The following CCSER1 variants were observed in gnomAD, a reference collection of about 807,000 sequenced individuals.
The protein encoded by CCSER1 is serine-rich coiled-coil domain-containing protein 1.
Under a neutral mutation model 82.0 loss-of-function variants are expected in CCSER1, and 41 were observed. That is an observed-to-expected ratio of 0.50 (90% CI 0.39 to 0.65). The LOEUF (loss-of-function observed/expected upper bound fraction) is 0.65. CCSER1 is among the 30% of genes least tolerant of loss of function. The pLI, the probability that CCSER1 is intolerant of heterozygous loss-of-function variation, is 0.00. For synonymous variants in CCSER1, 414 were observed against 383.9 expected, an observed-to-expected ratio of 1.08 and a Z score of -0.92; for missense variants, 1,119 against 1,064.2, an observed-to-expected ratio of 1.05 and a Z score of -0.72.
At chr4:91,122,531 A>G (rs1561565807) in intron 10 of CCSER1, among the ~76,000 whole-genome samples, 2 of 151,668 alleles carry the variant, frequency 1.3e-5, no homozygotes, top group Non-Finnish European at 3.0e-5. Flanking sequence ...GCAAAATCCT[A>G]TTTTTAAAAT....
intron 8 of CCSER1, among the ~76,000 whole-genome samples, chr4:90,896,756 A>G (rs1723779875): frequency 6.6e-6 from 1 of 152,000 alleles, no homozygotes; most frequent in Admixed American, 6.6e-5. Flanking sequence ...ACACAATTTA[A>G]CAAATATTTA....
intron 5 of CCSER1, among the ~76,000 whole-genome samples, chr4:90,605,434 T>G (rs1322878156): frequency 6.6e-6 from 1 of 152,226 alleles, no homozygotes; most frequent in Non-Finnish European, 1.5e-5. Context: ...ACGTATTAAA[T>G]CTGATATATT....
At chr4:90,995,851 T>TA in intron 9 of CCSER1, among the ~76,000 whole-genome samples, 1 of 152,234 alleles carries the variant, frequency 6.6e-6, no homozygotes, top group South Asian at 2.1e-4. Flanking sequence ...AACAACATGA[T>TA]ACATCTTTCT....
intron 5 of CCSER1, among the ~76,000 whole-genome samples, chr4:90,580,843 T>C (rs1781347467): frequency 1.3e-5 from 2 of 152,224 alleles, no homozygotes; most frequent in African/African-American, 4.8e-5. Flanking sequence ...ATTTCTTTAA[T>C]TTGATAAAGC....
intron 10 of CCSER1, among the ~76,000 whole-genome samples, chr4:91,099,786 G>C (rs1281936856): frequency 6.6e-6 from 1 of 152,154 alleles, no homozygotes; most frequent in Non-Finnish European, 1.5e-5. Context: ...TAAGATAAAA[G>C]ACTGTGGAGA....
Position 90,341,561 on chromosome 4 carries a change from G to C in CCSER1, c.1509+28514G>C, listed in dbSNP as rs181760068. On this transcript the variant is annotated intron_variant, in intron 3 of 10. Coordinates refer to ENST00000509176, the MANE Select transcript of CCSER1 (RefSeq NM_001145065.2). The stretch of plus-strand genomic sequence containing the variant: ...CTTTTTGTTATATTTGTTTTTACTA[G>C]TCTAGACAACTCAAATAAAATAGCT... Among the ~76,000 whole-genome samples, 473 of 151,868 alleles carry C rather than the reference G, an allele frequency of 3.1e-3. 13 individuals are homozygous for C. Among genetic ancestry groups the C allele is most frequent in the Non-Finnish European group, 1.0e-3 (70 of 67,850 alleles).
intron 7 of CCSER1, among the ~76,000 whole-genome samples, chr4:90,788,425 G>C (rs1215531885): frequency 6.6e-6 from 1 of 152,142 alleles, no homozygotes; most frequent in Non-Finnish European, 1.5e-5. Flanking sequence ...TGAGATGAAG[G>C]TGTTGGTAGG....
chr4:90,185,981 A>G (rs540218293), intron 1 of CCSER1, among the ~76,000 whole-genome samples: 2 of 152,142 alleles, frequency 1.3e-5, no homozygotes, highest in East Asian at 1.9e-4. Context: ...GTGCCACATT[A>G]GGTTCCTCAC....
chr4:90,565,982 C>G (rs1263812651), intron 5 of CCSER1, among the ~76,000 whole-genome samples: 21 of 151,252 alleles, frequency 1.4e-4, no homozygotes, highest in Admixed American at 1.4e-3. Flanking sequence ...TGCCTCATCC[C>G]TAGTAGCTGG....
chr4:90,476,360 G>A (rs916611430), intron 5 of CCSER1, among the ~76,000 whole-genome samples: 4 of 151,930 alleles, frequency 2.6e-5, no homozygotes, highest in Non-Finnish European at 5.9e-5. Context: ...ACCACATAAC[G>A]CACAACCCAT....
chr4:90,924,857 A>C (rs1230035352), intron 9 of CCSER1, among the ~76,000 whole-genome samples: 2 of 152,042 alleles, frequency 1.3e-5, no homozygotes, highest in African/African-American at 4.8e-5. Context: ...ATCCCAGGTA[A>C]CTGGGATTGC....
intron 3 of CCSER1, among the ~76,000 whole-genome samples, chr4:90,313,750 G>A (rs1490643017): frequency 2.6e-5 from 4 of 152,090 alleles, no homozygotes; most frequent in Admixed American, 6.6e-5. Context: ...GATGAGGGGC[G>A]AACTGCAGCC....
At chr4:91,008,435 C>T (rs1170000599) in intron 9 of CCSER1, among the ~76,000 whole-genome samples, 1 of 152,064 alleles carries the variant, frequency 6.6e-6, no homozygotes, top group Non-Finnish European at 1.5e-5. Flanking sequence ...ATTAATTATT[C>T]CCTTTATCAT....
intron 5 of CCSER1, among the ~76,000 whole-genome samples, chr4:90,485,604 A>G (rs973427328): frequency 2.0e-5 from 3 of 149,464 alleles, no homozygotes; most frequent in Non-Finnish European, 4.4e-5. Context: ...CCATATACCT[A>G]TGTGTCATGG....
At chr4:90,496,111 T>C (rs957042075) in intron 5 of CCSER1, among the ~76,000 whole-genome samples, 1 of 152,198 alleles carries the variant, frequency 6.6e-6, no homozygotes, top group African/African-American at 2.4e-5. Flanking sequence ...AATTTATTAA[T>C]AGATAACATT....
intron 3 of CCSER1, among the ~76,000 whole-genome samples, chr4:90,395,141 T>C (rs890189827): frequency 3.9e-5 from 6 of 152,226 alleles, no homozygotes; most frequent in African/African-American, 1.2e-4. Flanking sequence ...TTTGGCTGTT[T>C]AAGATTTCCA....
intron 5 of CCSER1, among the ~76,000 whole-genome samples, chr4:90,534,076 G>A (rs1774967162): frequency 6.6e-6 from 1 of 152,222 alleles, no homozygotes. Flanking sequence ...GTTGTTTGAT[G>A]TTTACAATTG....
intron 10 of CCSER1, among the ~76,000 whole-genome samples, chr4:91,309,459 A>G (rs572152067): frequency 1.2e-3 from 187 of 152,120 alleles, no homozygotes; most frequent in African/African-American, 4.2e-3. Context: ...GAAACATACA[A>G]TCCGTTTGCT....
At chr4:90,841,799 G>A (rs1207429545) in intron 8 of CCSER1, among the ~76,000 whole-genome samples, 1 of 151,900 alleles carries the variant, frequency 6.6e-6, no homozygotes, top group Non-Finnish European at 1.5e-5. Flanking sequence ...GTGTTGTCTT[G>A]GTACTCTGGA....
Sources: gnomAD v4.1 joint callset for allele counts (sites outside exome capture counted in the v4.1 genomes callset) on GRCh38, gnomAD v4.1.1 for gene constraint, MANE v1.5 for transcripts, NCBI Gene and HGNC (gene_info 2026-07-23, HGNC 2026-07-21) for gene names.